ARMC2: variants seen among roughly 807,000 people sequenced by gnomAD.
The protein encoded by ARMC2 is armadillo repeat-containing protein 2.
A neutral mutation model predicts 90.3 loss-of-function variants in ARMC2; 67 were observed. That is an observed-to-expected ratio of 0.74 (90% CI 0.61 to 0.91). The LOEUF is 0.91. Among genes scored for constraint, ARMC2 ranks in the 40% least tolerant of loss-of-function variants. ARMC2 has a pLI of 0.00. For synonymous variants in ARMC2, 393 were observed against 393.0 expected, an observed-to-expected ratio of 1.00 and a Z score of 0.00; for missense variants, 920 against 1,030.9, an observed-to-expected ratio of 0.89 and a Z score of 1.47.
At chr6:108,876,822 G>A (rs557997830) in intron 5 of ARMC2, among the ~76,000 whole-genome samples, 5 of 152,310 alleles carry the variant, frequency 3.3e-5, no homozygotes, top group African/African-American at 9.6e-5. Context: ...GAAGAGTCCT[G>A]TAGATTTCAG....
rs76312442 is a variant in ARMC2, at chr6:108,874,564, A to C, written c.464-1579A>C. On this transcript the variant is annotated intron_variant, in intron 4 of 17. Transcript: ENST00000392644. ...TCAGGATTCTTGGGTTCCAATAATCATGACAATAACTTCTAGGTTTTGAGC... is the reference window on the plus strand; with the variant it reads ...TCAGGATTCTTGGGTTCCAATAATCCTGACAATAACTTCTAGGTTTTGAGC... Among the ~76,000 whole-genome samples the C allele has an allele frequency of 4.2e-3, 638 of 152,354 alleles. 3 individuals carry two copies. The highest frequency in any genetic ancestry group is 0.014 in the African/African-American group (598 of 41,574).
At chr6:109,011,957 A>G in the ARMC2 span, among the ~76,000 whole-genome samples, 3 of 152,160 alleles carry the variant, frequency 2.0e-5, no homozygotes, top group Admixed American at 6.5e-5. Flanking sequence ...ACCTGCATCT[A>G]TCATTGTGCA....
chr6:108,982,842 T>C, the ARMC2 span, among the ~76,000 whole-genome samples: 1 of 148,942 alleles, frequency 6.7e-6, no homozygotes, highest in South Asian at 2.2e-4. Context: ...AGATGAAGTC[T>C]CGCTCTGTCA....
the ARMC2 span, among the ~76,000 whole-genome samples, chr6:108,997,100 T>C: frequency 1.3e-5 from 2 of 151,950 alleles, no homozygotes; most frequent in Non-Finnish European, 2.9e-5. Flanking sequence ...ACTGGATATG[T>C]ACCTAAAGAA....
chr6:109,039,327 C>A, the ARMC2 span, among the ~76,000 whole-genome samples: 375 of 152,312 alleles, frequency 2.5e-3, 5 homozygotes, highest in African/African-American at 8.4e-3. Flanking sequence ...GTCATAATAG[C>A]TTATTAATCA....
At chr6:109,025,733 A>G in the ARMC2 span, among the ~76,000 whole-genome samples, 1 of 152,124 alleles carries the variant, frequency 6.6e-6, no homozygotes, top group Non-Finnish European at 1.5e-5. Flanking sequence ...GCTGAAAATT[A>G]TTAGTAAACT....
chr6:108,899,880 A>G, intron 7 of ARMC2, 88 bp downstream of exon 7: 2 of 955,526 alleles, frequency 2.1e-6, no homozygotes, highest in Non-Finnish European at 3.1e-6. Context: ...CATTGCCCTG[A>G]TATTTTTAGT....
downstream of ARMC2, among the ~76,000 whole-genome samples, chr6:108,975,076 A>G (rs1000867141): frequency 2.6e-5 from 4 of 151,668 alleles, no homozygotes; most frequent in African/African-American, 4.9e-5. Flanking sequence ...TTACATGGGT[A>G]TACATGTGCC....
chr6:108,853,754 T>A (rs1006646559), intron 1 of ARMC2, among the ~76,000 whole-genome samples: 2 of 152,182 alleles, frequency 1.3e-5, no homozygotes, highest in African/African-American at 4.8e-5. Flanking sequence ...CATGGACAAA[T>A]GTGGGGCTGA....
At chr6:108,951,223 T>C (rs1476210120) in intron 12 of ARMC2, among the ~76,000 whole-genome samples, 2 of 152,216 alleles carry the variant, frequency 1.3e-5, no homozygotes, top group African/African-American at 4.8e-5. Context: ...GCCGTTTTAG[T>C]CTTTGCCGTT....
At chr6:108,945,679 T>C (rs772556529) in intron 12 of ARMC2, among the ~76,000 whole-genome samples, 4 of 152,256 alleles carry the variant, frequency 2.6e-5, no homozygotes, top group Non-Finnish European at 4.4e-5. Context: ...GTATGCACAG[T>C]GAACACTGAT....
the ARMC2 span, among the ~76,000 whole-genome samples, chr6:109,010,876 C>A: frequency 2.2e-4 from 33 of 152,238 alleles, no homozygotes; most frequent in African/African-American, 7.5e-4. Flanking sequence ...ACAAAACAAA[C>A]CCAGTACATC....
the ARMC2 span, among the ~76,000 whole-genome samples, chr6:109,030,232 A>G: frequency 6.6e-6 from 1 of 152,192 alleles, no homozygotes; most frequent in Non-Finnish European, 1.5e-5. Flanking sequence ...GGACCCCCCG[A>G]TCTAAGAATC....
the ARMC2 span, chr6:108,994,540 C>T: frequency 3.1e-6 from 5 of 1,613,682 alleles, no homozygotes; most frequent in Non-Finnish European, 4.2e-6. Context: ...GCCTCTTCTT[C>T]ATCTCGACAT....
At chr6:108,860,608 G>A (rs749415320) in intron 3 of ARMC2, among the ~76,000 whole-genome samples, 2 of 148,290 alleles carry the variant, frequency 1.3e-5, no homozygotes, top group Non-Finnish European at 3.0e-5. Flanking sequence ...CTTGCAGTGA[G>A]CCGAGTTCGC....
the ARMC2 span, chr6:108,987,535 G>C: frequency 6.6e-7 from 1 of 1,506,412 alleles, no homozygotes. Flanking sequence ...CTTTAATGAA[G>C]GAAAGGCATC....
In ARMC2 at chr6:108,943,019, C is replaced by T. The variant is rs189918913; in HGVS notation, c.1596+6020C>T. 4.6e-3 allele frequency among the ~76,000 whole-genome samples: 702 copies of T among 152,256 alleles called. 2 individuals are homozygous for T. Among genetic ancestry groups the T allele is most frequent in the African/African-American group, 0.016 (685 of 41,540 alleles). ...GGGAGCTTCACAGGAAGCTGCCGGT[C>T]GCTGCTGCCGTCCACAGAGGGGGAA... On this transcript the variant is annotated intron_variant, in intron 12 of 17. Transcript: ENST00000392644.
At chr6:108,922,423 C>T (rs1299239323) in intron 10 of ARMC2, among the ~76,000 whole-genome samples, 2 of 152,124 alleles carry the variant, frequency 1.3e-5, no homozygotes, top group Non-Finnish European at 2.9e-5. Context: ...CAGACCTGAG[C>T]CACTGGGCCC....
intron 5 of ARMC2, among the ~76,000 whole-genome samples, chr6:108,890,039 A>C (rs1770803391): frequency 6.7e-6 from 1 of 148,948 alleles, no homozygotes; most frequent in Non-Finnish European, 1.5e-5. Context: ...ATACAAAAAA[A>C]ATTAGCCGGG....
Sources: allele counts gnomAD v4.1 joint callset (sites outside exome capture counted in the v4.1 genomes callset), GRCh38; gene constraint gnomAD v4.1.1; transcripts MANE v1.5; gene names NCBI Gene and HGNC (gene_info 2026-07-23, HGNC 2026-07-21).